The following PMF1 variants were observed in gnomAD, a reference collection of about 807,000 sequenced individuals.
The protein encoded by PMF1 is polyamine modulated factor 1, also known as polyamine-modulated factor 1.
A neutral mutation model predicts 26.7 loss-of-function variants in PMF1; 21 were observed. That is an observed-to-expected ratio of 0.79 (90% CI 0.56 to 1.13). The LOEUF (loss-of-function observed/expected upper bound fraction) is 1.13, where lower values mean the gene tolerates loss of function less well. Ranked by LOEUF, PMF1 falls within the 50% of genes most tolerant of loss-of-function variation. PMF1 has a pLI of 0.00. For synonymous variants in PMF1, 105 were observed against 101.0 expected (o/e 1.04, Z -0.24); for missense variants, 266 against 254.9 (o/e 1.04, Z -0.30).
Position 156,239,673 on chromosome 1 carries a change from C to A in PMF1, c.*72C>A. The A allele has an allele frequency of 2.3e-6, 3 of 1,303,274 alleles. No homozygotes were observed. Among genetic ancestry groups the A allele is most frequent in the Non-Finnish European group, 3.3e-6 (3 of 903,270 alleles). 80.7% of individuals were successfully genotyped at this position (1,303,274 alleles called of 1,614,324 possible). A position where few individuals can be genotyped will look rare whatever the true frequency, so the allele number is the denominator to read the frequency against. On this transcript the variant is annotated 3_prime_UTR_variant, in exon 5 of 5. Transcript: ENST00000368277. ...TGTGGTCCAGCATGCCTGGCCTGGG[C>A]GGGCTACCTCTGAGAACGGCTGAAA...
At chr1:156,216,739 C>A (rs1189864842) in intron 1 of PMF1, among the ~76,000 whole-genome samples, 2,207 of 151,930 alleles carry the variant, frequency 0.015, 59 homozygotes, top group African/African-American at 0.05. Flanking sequence ...CCACTGGCTC[C>A]GTGCCGTGCG....
rs552645415 is a variant in PMF1, at chr1:156,236,146, G to C, written c.369-142G>C. On this transcript the variant is annotated intron_variant, in intron 3 of 4. Coordinates refer to ENST00000368277, the MANE Select transcript of PMF1 (RefSeq NM_007221.4). ...ACGAGGAACAGGTCTTGGGAGGTGA[G>C]AGGGACCACAGGAGAGACCTGGGAA... The C allele has an allele frequency of 6.4e-6, 7 of 1,094,432 alleles. No individual in the cohort carries two copies. In the South Asian group the frequency reaches 1.1e-4, roughly 17 times the overall value. The allele number at this position is 1,094,432 out of a possible 1,614,324, so 67.8% of individuals were successfully genotyped here.
chr1:156,235,200 C>T (rs1658936098), intron 3 of PMF1, among the ~76,000 whole-genome samples: 1 of 151,480 alleles, frequency 6.6e-6, no homozygotes, highest in African/African-American at 2.4e-5. Flanking sequence ...TCTCAGCTCA[C>T]TGCAACCTCA....
At chr1:156,238,885 C>T (rs1345253135) in intron 4 of PMF1, among the ~76,000 whole-genome samples, 2 of 151,678 alleles carry the variant, frequency 1.3e-5, no homozygotes, top group Non-Finnish European at 2.9e-5. Context: ...GACAAAGGCC[C>T]CCCCCCCAAG....
intron 1 of PMF1, among the ~76,000 whole-genome samples, chr1:156,230,179 C>T (rs1434914879): frequency 6.6e-6 from 1 of 151,204 alleles, no homozygotes; most frequent in Non-Finnish European, 1.5e-5. Flanking sequence ...CAGTGGCCCG[C>T]CAGCCTGATC....
intron 1 of PMF1, among the ~76,000 whole-genome samples, chr1:156,228,672 G>A (rs1293109940): frequency 2.0e-5 from 3 of 152,116 alleles, no homozygotes; most frequent in Admixed American, 1.3e-4. Context: ...CCCTCCGCCT[G>A]CTGAGTAGGC....
intron 1 of PMF1, chr1:156,225,725 T>C (rs1340539457): frequency 6.2e-6 from 5 of 802,668 alleles, no homozygotes; most frequent in African/African-American, 1.7e-5. Context: ...TGATATTGTG[T>C]TACCCTCTTT....
chr1:156,236,627 C>A, intron 4 of PMF1, 144 bp downstream of exon 4: 1 of 1,120,924 alleles, frequency 8.9e-7, no homozygotes, highest in Non-Finnish European at 1.2e-6. Context: ...CATGAATTAC[C>A]TCTCCTTGGG....
At chr1:156,236,141 G>A (rs534722755) in intron 3 of PMF1, 147 bp from the exon 4 acceptor site, 29 of 1,007,658 alleles carry the variant, frequency 2.9e-5, no homozygotes, top group Middle Eastern at 3.3e-4. Context: ...GGTCTTGGGA[G>A]GTGAGAGGGA....
At chr1:156,217,047 C>T (rs1414983299) in intron 1 of PMF1, among the ~76,000 whole-genome samples, 1 of 150,348 alleles carries the variant, frequency 6.7e-6, no homozygotes, top group Non-Finnish European at 1.5e-5. Flanking sequence ...ATCACATGGA[C>T]ACATGAAGGG....
chr1:156,233,850 A>C (rs1358125931), intron 3 of PMF1, 122 bp downstream of exon 3: 13 of 913,396 alleles, frequency 1.4e-5, no homozygotes, highest in Non-Finnish European at 2.1e-5. Context: ...TCCTGGCCTT[A>C]AGCTGTCCTC....
chr1:156,233,119 A>G (rs1658814882), intron 2 of PMF1, among the ~76,000 whole-genome samples: 1 of 151,518 alleles, frequency 6.6e-6, no homozygotes, highest in African/African-American at 2.4e-5. Flanking sequence ...AATAAATAAA[A>G]CATTTTCCCC....
intron 4 of PMF1, among the ~76,000 whole-genome samples, chr1:156,237,945 T>G (rs1659131914): frequency 6.6e-6 from 1 of 151,816 alleles, no homozygotes; most frequent in Non-Finnish European, 1.5e-5. Context: ...ATTTTGTATT[T>G]TTAGTAGAGA....
chr1:156,219,641 A>G (rs949666777), intron 1 of PMF1, among the ~76,000 whole-genome samples: 4 of 152,194 alleles, frequency 2.6e-5, no homozygotes, highest in African/African-American at 9.7e-5. Context: ...GCTGGAGTGC[A>G]GTGGCACAAT....
intron 3 of PMF1, among the ~76,000 whole-genome samples, chr1:156,236,017 G>A (rs2103129946): frequency 6.6e-6 from 1 of 152,324 alleles, no homozygotes; most frequent in Non-Finnish European, 1.5e-5. Flanking sequence ...GAAAGGAGGG[G>A]AATGTGGGGT....
At chr1:156,224,758 C>T (rs1038539359) in intron 1 of PMF1, among the ~76,000 whole-genome samples, 8 of 151,022 alleles carry the variant, frequency 5.3e-5, no homozygotes, top group East Asian at 1.9e-4. Flanking sequence ...AGTGAGACTC[C>T]GTCTCAAAAA....
In PMF1 at chr1:156,232,392, C is replaced by CAA; in HGVS notation, c.235_236dup (p.Phe80SerfsTer3). ...CTGCGATGACACAGCAAATCTATGA[C>CAA]AAGTTTATAGCTCAGTTGCAGACAT... is the stretch of plus-strand genomic sequence containing the variant. On this transcript the variant is annotated frameshift_variant, in exon 2 of 5. Transcript: ENST00000368277. LOFTEE classifies it high-confidence loss of function. 1 of 1,613,980 alleles carries CAA rather than the reference C, an allele frequency of 6.2e-7. No homozygotes were observed. Among genetic ancestry groups the CAA allele is most frequent in the Non-Finnish European group, 8.5e-7 (1 of 1,179,876 alleles).
At chr1:156,234,761 G>A (rs1175849723) in intron 3 of PMF1, among the ~76,000 whole-genome samples, 1 of 151,910 alleles carries the variant, frequency 6.6e-6, no homozygotes, top group Non-Finnish European at 1.5e-5. Context: ...CTCCTGCCTC[G>A]GCCTCCCAAA....
Position 156,224,759 on chromosome 1 carries a change from G to A in PMF1, c.162-7561G>A, listed in dbSNP as rs533818150. On this transcript the variant is annotated intron_variant, in intron 1 of 4. Coordinates refer to ENST00000368277, the MANE Select transcript of PMF1 (RefSeq NM_007221.4). ...AGCCTGGGCGACAGAGTGAGACTCC[G>A]TCTCAAAAAAAAAAAGAAAATAAAA... 1.9e-4 allele frequency among the ~76,000 whole-genome samples: 29 copies of A among 150,280 alleles called. No individual in the cohort carries two copies. The South Asian group carries it at 3.4e-3, about 17-fold the overall frequency.
Sources: gnomAD v4.1 joint callset for allele counts (sites outside exome capture counted in the v4.1 genomes callset) on GRCh38, gnomAD v4.1.1 for gene constraint, MANE v1.5 for transcripts, NCBI Gene and HGNC (gene_info 2026-07-23, HGNC 2026-07-21) for gene names.